Variants in TBL1XR1 observed in about 807,000 individuals in gnomAD.
TBL1XR1 encodes the protein TBL1X/Y related 1.
A neutral mutation model predicts 66.9 loss-of-function variants in TBL1XR1; 5 were observed. The observed-to-expected ratio is 0.07, with a 90% CI of 0.04 to 0.16. TBL1XR1 has a LOEUF of 0.16. TBL1XR1 is among the 10% of genes least tolerant of loss of function. TBL1XR1 has a pLI of 1.00. For synonymous variants in TBL1XR1, 210 were observed against 206.0 expected (o/e 1.02, Z -0.17); for missense variants, 238 against 623.2 (o/e 0.38, Z 6.58).
intron 2 of TBL1XR1, among the ~76,000 whole-genome samples, chr3:177,090,497 C>T (rs541551267): frequency 6.9e-4 from 94 of 135,260 alleles, no homozygotes; most frequent in African/African-American, 2.5e-3. Context: ...CTGGTCAACA[C>T]AGGGAGACAC....
chr3:177,152,121 T>C (rs939805577), intron 1 of TBL1XR1, among the ~76,000 whole-genome samples: 7 of 152,240 alleles, frequency 4.6e-5, no homozygotes, highest in South Asian at 4.1e-4. Context: ...ACTATGATTA[T>C]AGCAAATTAG....
intron 1 of TBL1XR1, among the ~76,000 whole-genome samples, chr3:177,118,819 T>A (rs918955030): frequency 1.7e-5 from 1 of 60,598 alleles, no homozygotes; most frequent in African/African-American, 7.0e-5. Context: ...AACTGAACTT[T>A]TATAAAATCA....
At chr3:177,130,894 T>A (rs1728213833) in intron 1 of TBL1XR1, among the ~76,000 whole-genome samples, 1 of 152,178 alleles carries the variant, frequency 6.6e-6, no homozygotes. Context: ...ACACAGAGGC[T>A]TGCACCTATA....
intron 1 of TBL1XR1, among the ~76,000 whole-genome samples, chr3:177,139,146 G>A: frequency 6.6e-6 from 1 of 152,050 alleles, no homozygotes; most frequent in Non-Finnish European, 1.5e-5. Flanking sequence ...TCCTCATAGG[G>A]ACTCAAAAAA....
At chr3:177,175,763 TA>T (rs1205649530) in intron 1 of TBL1XR1, among the ~76,000 whole-genome samples, 1 of 152,072 alleles carries the variant, frequency 6.6e-6, no homozygotes, top group African/African-American at 2.4e-5. Flanking sequence ...AGCATTAAAA[TA>T]ATAAGTTATT....
At chr3:177,042,937 T>C (rs950498372) in intron 10 of TBL1XR1, among the ~76,000 whole-genome samples, 1 of 151,912 alleles carries the variant, frequency 6.6e-6, no homozygotes, top group African/African-American at 2.4e-5. Flanking sequence ...TTTATTGACA[T>C]ATAATTCACA....
At chr3:177,100,339 T>C in intron 1 of TBL1XR1, among the ~76,000 whole-genome samples, 1 of 152,266 alleles carries the variant, frequency 6.6e-6, no homozygotes, top group Non-Finnish European at 1.5e-5. Context: ...TCTTAATGTC[T>C]TAATGATAGT....
chr3:177,035,461 C>A (rs1714646596), intron 12 of TBL1XR1, among the ~76,000 whole-genome samples: 1 of 147,142 alleles, frequency 6.8e-6, no homozygotes, highest in Admixed American at 6.9e-5. Flanking sequence ...CTTGCCCAGG[C>A]TGGAGTGCAG....
chr3:177,174,408 CA>C (rs59132617), intron 1 of TBL1XR1, among the ~76,000 whole-genome samples: 79 of 58,292 alleles, frequency 1.4e-3, no homozygotes, highest in Admixed American at 2.9e-3. Context: ...GACTCCATCT[CA>C]AAAAAAAAAA....
chr3:177,134,945 C>CTCTGTGTGTGTGTG (rs1553852509), intron 1 of TBL1XR1, among the ~76,000 whole-genome samples: 1 of 129,150 alleles, frequency 7.7e-6, no homozygotes, highest in African/African-American at 3.0e-5. Context: ...CACTGCAAGG[C>CTCTGTGTGTGTGTG]TGTGTGTGTG....
intron 1 of TBL1XR1, among the ~76,000 whole-genome samples, chr3:177,172,901 G>A (rs1409128486): frequency 2.0e-5 from 3 of 149,894 alleles, no homozygotes; most frequent in Non-Finnish European, 3.0e-5. Flanking sequence ...GGCCAGGCGC[G>A]GTGGCTCATG....
chr3:177,058,468 A>C (rs187467150), intron 3 of TBL1XR1, among the ~76,000 whole-genome samples: 3 of 152,328 alleles, frequency 2.0e-5, no homozygotes, highest in African/African-American at 7.2e-5. Context: ...ATACTTTCTG[A>C]AATAATTTTA....
rs545338386 is a variant in TBL1XR1, at chr3:177,123,667, C to T, written c.-121-25126G>A. ...AATATTCTGACTGAAAACCAGGTGA[C>T]TGAATTCATTCATTTGCCTCAATCA... On this transcript the variant is annotated intron_variant, in intron 1 of 15. Transcript: ENST00000457928. 1.8e-4 allele frequency among the ~76,000 whole-genome samples: 28 copies of T among 152,170 alleles called. 1 individual carries two copies. The highest frequency in any genetic ancestry group is 6.7e-4 in the African/African-American group (28 of 41,562).
intron 14 of TBL1XR1, among the ~76,000 whole-genome samples, chr3:177,029,872 T>G (rs1408408716): frequency 6.6e-6 from 1 of 152,168 alleles, no homozygotes; most frequent in Non-Finnish European, 1.5e-5. Context: ...ATATTTAAAC[T>G]AATTGACAAT....
At chr3:177,059,595 G>A (rs1265157791) in intron 3 of TBL1XR1, among the ~76,000 whole-genome samples, 1 of 152,072 alleles carries the variant, frequency 6.6e-6, no homozygotes, top group African/African-American at 2.4e-5. Context: ...CATTGAAAAA[G>A]TTAGGGGGAA....
At chr3:177,054,045 CGTGTGTGTGT>C (rs3046468) in intron 3 of TBL1XR1, 127 bp from the exon 4 acceptor site, 183 of 615,212 alleles carry the variant, frequency 3.0e-4, no homozygotes, top group African/African-American at 5.4e-4. Context: ...AGACGAAGGT[CGTGTGTGTGT>C]GTGTGTGTGT....
At chr3:177,104,053 T>A (rs1398540836) in intron 1 of TBL1XR1, among the ~76,000 whole-genome samples, 1 of 150,784 alleles carries the variant, frequency 6.6e-6, no homozygotes, top group Non-Finnish European at 1.5e-5. Context: ...GAGGCAGAGG[T>A]TGCAGTGAGC....
At chr3:177,177,137 C>T (rs1257616609) in intron 1 of TBL1XR1, among the ~76,000 whole-genome samples, 1 of 152,140 alleles carries the variant, frequency 6.6e-6, no homozygotes, top group Non-Finnish European at 1.5e-5. Context: ...AATGAATACC[C>T]TTTTTAACTT....
At chr3:177,142,881 G>T (rs573491962) in intron 1 of TBL1XR1, among the ~76,000 whole-genome samples, 1 of 152,096 alleles carries the variant, frequency 6.6e-6, no homozygotes, top group Admixed American at 6.6e-5. Context: ...TGAAAAATTT[G>T]AGGTGCCCAT....
Sources: allele counts gnomAD v4.1 joint callset (sites outside exome capture counted in the v4.1 genomes callset), GRCh38; gene constraint gnomAD v4.1.1; transcripts MANE v1.5; gene names NCBI Gene and HGNC (gene_info 2026-07-23, HGNC 2026-07-21).